SPPL3: variants seen among roughly 807,000 people sequenced by gnomAD.
The protein encoded by SPPL3 is signal peptide peptidase-like 3.
In SPPL3, 5 loss-of-function variants were observed where a neutral mutation model predicts 42.4. The observed-to-expected ratio is 0.12, with a 90% CI of 0.06 to 0.25. The LOEUF is 0.25. Among genes scored for constraint, SPPL3 ranks in the 10% least tolerant of loss-of-function variants. The pLI, the probability that SPPL3 is intolerant of heterozygous loss-of-function variation, is 1.00. For synonymous variants in SPPL3, 195 were observed against 181.8 expected, an observed-to-expected ratio of 1.07 and a Z score of -0.58; for missense variants, 235 against 489.0, an observed-to-expected ratio of 0.48 and a Z score of 4.90.
chr12:120,807,819 T>G (rs573872528), intron 2 of SPPL3, among the ~76,000 whole-genome samples: 1 of 152,046 alleles, frequency 6.6e-6, no homozygotes, highest in Non-Finnish European at 1.5e-5. Context: ...TATCAAACAT[T>G]TAAAGACAAA....
intron 2 of SPPL3, among the ~76,000 whole-genome samples, chr12:120,804,434 A>G (rs1870423897): frequency 6.6e-6 from 1 of 152,184 alleles, no homozygotes. Context: ...TGGACAGAAG[A>G]GTTGAAAAGA....
intron 1 of SPPL3, among the ~76,000 whole-genome samples, chr12:120,899,837 G>A (rs1223391365): frequency 6.8e-6 from 1 of 146,778 alleles, no homozygotes; most frequent in East Asian, 2.0e-4. Context: ...AGGTTGCTGT[G>A]AGCGGAGATC....
chr12:120,892,350 G>A (rs998443702), intron 1 of SPPL3, among the ~76,000 whole-genome samples: 1 of 152,098 alleles, frequency 6.6e-6, no homozygotes, highest in Non-Finnish European at 1.5e-5. Context: ...CCACATGACA[G>A]GAACAGATAA....
chr12:120,794,698 C>G (rs888445300), intron 2 of SPPL3, among the ~76,000 whole-genome samples: 1 of 152,128 alleles, frequency 6.6e-6, no homozygotes, highest in Non-Finnish European at 1.5e-5. Context: ...ACCTGGACAA[C>G]TGCTGTTTTA....
chr12:120,834,245 T>C (rs1165039050), intron 1 of SPPL3, among the ~76,000 whole-genome samples: 1 of 152,204 alleles, frequency 6.6e-6, no homozygotes, highest in East Asian at 1.9e-4. Flanking sequence ...TTTTACTCCT[T>C]GTAGCTGCCT....
At chr12:120,851,345 A>G (rs1872216721) in intron 1 of SPPL3, among the ~76,000 whole-genome samples, 1 of 152,094 alleles carries the variant, frequency 6.6e-6, no homozygotes, top group Non-Finnish European at 1.5e-5. Context: ...TTTTAAAATC[A>G]TACTCATAGT....
At chr12:120,768,592 T>G in intron 7 of SPPL3, 104 bp from the exon 8 acceptor site, 1 of 1,290,012 alleles carries the variant, frequency 7.8e-7, no homozygotes, top group Non-Finnish European at 1.1e-6. Context: ...ATGCTGTGAC[T>G]GCAATGCTTT....
chr12:120,877,061 A>G (rs1359912160), intron 1 of SPPL3, among the ~76,000 whole-genome samples: 1 of 150,644 alleles, frequency 6.6e-6, no homozygotes, highest in African/African-American at 2.5e-5. Context: ...TAAAAGGTAG[A>G]AAAAAAAACC....
chr12:120,855,552 C>T (rs149195580), intron 1 of SPPL3, among the ~76,000 whole-genome samples: 34 of 152,028 alleles, frequency 2.2e-4, no homozygotes, highest in African/African-American at 8.2e-4. Context: ...CCAGGCATGA[C>T]GGCAGTTGCC....
chr12:120,887,432 C>T (rs926264437), intron 1 of SPPL3, among the ~76,000 whole-genome samples: 12 of 152,058 alleles, frequency 7.9e-5, no homozygotes, highest in African/African-American at 2.9e-4. Context: ...CACCCCTCAC[C>T]GCCACTTCCA....
chr12:120,766,185 T>A, intron 10 of SPPL3, 78 bp downstream of exon 10: 1 of 1,163,136 alleles, frequency 8.6e-7, no homozygotes, highest in Non-Finnish European at 1.2e-6. Flanking sequence ...CAGAATCACC[T>A]CCAGCGAGGA....
chr12:120,872,772 A>G (rs1286154041), intron 1 of SPPL3, among the ~76,000 whole-genome samples: 2 of 152,164 alleles, frequency 1.3e-5, no homozygotes, highest in Non-Finnish European at 2.9e-5. Context: ...AGAAGGATCA[A>G]CACCTTAGTA....
intron 1 of SPPL3, among the ~76,000 whole-genome samples, chr12:120,852,351 T>C (rs1417926910): frequency 1.4e-5 from 1 of 71,190 alleles, no homozygotes; most frequent in East Asian, 4.4e-4. Context: ...TATACATATT[T>C]TACATATATG....
At position 120,766,397 on chromosome 12, in the gene SPPL3, G is replaced by C. The variant is rs995365575; in HGVS notation, c.974-25C>G. ...CCTGTGAGGAGAGAGAGGCATCTGT[G>C]AGACACGAGAGGGAACCCGTGTCAC... On this transcript the variant is annotated intron_variant, in intron 9 of 10. Transcript: ENST00000353487. 4 of 1,546,744 alleles carry C rather than the reference G, an allele frequency of 2.6e-6. No homozygotes were observed. The East Asian group carries it at 7.1e-5, about 27-fold the overall frequency.
At chr12:120,814,712 G>A (rs1276374255) in intron 1 of SPPL3, among the ~76,000 whole-genome samples, 1 of 151,652 alleles carries the variant, frequency 6.6e-6, no homozygotes, top group African/African-American at 2.4e-5. Flanking sequence ...CACCCTCTCA[G>A]TCATTTTTAG....
In SPPL3 at chr12:120,903,919, G is replaced by C. The variant is rs1315128074; in HGVS notation, c.-52C>G. On this transcript the variant is annotated 5_prime_UTR_variant, in exon 1 of 11. Transcript: ENST00000353487. ...CAGGCTGTGGCCGGGCCCGGCGGCG[G>C]CGGGCTCGCTCGGGCCGTAGCTGAA... is the stretch of plus-strand genomic sequence containing the variant. 3.0e-6 allele frequency: 4 copies of C among 1,327,762 alleles called. No homozygotes were observed. Among genetic ancestry groups the C allele is most frequent in the Non-Finnish European group, 3.8e-6 (4 of 1,041,202 alleles). 82.2% of individuals were successfully genotyped at this position (1,327,762 alleles called of 1,614,324 possible).
intron 3 of SPPL3, among the ~76,000 whole-genome samples, chr12:120,785,947 A>G (rs949229774): frequency 6.7e-6 from 1 of 150,212 alleles, no homozygotes; most frequent in Non-Finnish European, 1.5e-5. Context: ...AGGTCTCTTC[A>G]TTATATTAAG....
intron 10 of SPPL3, 134 bp downstream of exon 10, chr12:120,766,129 C>T: frequency 1.8e-6 from 1 of 544,154 alleles, no homozygotes; most frequent in South Asian, 2.2e-5. Flanking sequence ...CACACACACA[C>T]ACACACACAC....
intron 6 of SPPL3, among the ~76,000 whole-genome samples, chr12:120,770,618 T>C (rs1869083165): frequency 6.6e-6 from 1 of 152,136 alleles, no homozygotes. Flanking sequence ...TCCTTTTCCC[T>C]TGATTCTCAG....
Sources: gnomAD v4.1 joint callset for allele counts (sites outside exome capture counted in the v4.1 genomes callset) on GRCh38, gnomAD v4.1.1 for gene constraint, MANE v1.5 for transcripts, NCBI Gene and HGNC (gene_info 2026-07-23, HGNC 2026-07-21) for gene names.